SYAP1: variants seen among roughly 807,000 people sequenced by gnomAD.
SYAP1 encodes the protein synapse-associated protein 1.
A neutral mutation model predicts 29.6 loss-of-function variants in SYAP1; 3 were observed. The observed-to-expected ratio is 0.10, with a 90% CI of 0.05 to 0.26. SYAP1 has a LOEUF of 0.26. SYAP1 is among the 10% of genes least tolerant of loss of function. The probability of loss-of-function intolerance (pLI) is 1.00; values close to 1 mark genes in which losing one functional copy is unlikely to be tolerated. For missense variants in SYAP1, 217 were observed against 264.1 expected (o/e 0.82, Z 1.24); for synonymous variants, 102 against 102.7 (o/e 0.99, Z 0.04).
At chrX:16,736,256 T>A in intron 3 of SYAP1, 24 bp downstream of exon 3, 1 of 1,077,283 alleles carries the variant, frequency 9.3e-7, no homozygotes, top group Non-Finnish European at 1.3e-6. Flanking sequence ...TTGTCTTAAT[T>A]AACCTGCCAG....
At chrX:16,728,726 G>T (rs1926136259) in intron 1 of SYAP1, among the ~76,000 whole-genome samples, 1 of 109,548 alleles carries the variant, frequency 9.1e-6, no homozygotes, top group African/African-American at 3.3e-5. Context: ...ATGACAAAAG[G>T]TTTTCGGGTA....
chrX:16,752,033 G>T (rs1162490212), intron 5 of SYAP1, among the ~76,000 whole-genome samples: 2 of 95,957 alleles, frequency 2.1e-5, no homozygotes, highest in Non-Finnish European at 4.1e-5. Context: ...AGGCTGGAGT[G>T]CAGTGGTGCG....
At chrX:16,743,929 C>G in intron 5 of SYAP1, 89 bp downstream of exon 5, 1 of 1,037,098 alleles carries the variant, frequency 9.6e-7, no homozygotes, top group Non-Finnish European at 1.3e-6. Flanking sequence ...AAAAGGGTCT[C>G]TATCTGTTCA....
chrX:16,743,950 C>T, intron 5 of SYAP1, 110 bp downstream of exon 5: 1 of 898,636 alleles, frequency 1.1e-6, no homozygotes. Context: ...TAAAAGCAGG[C>T]CCCGCAGCCC....
chrX:16,742,804 G>C (rs2147427534), intron 4 of SYAP1, among the ~76,000 whole-genome samples: 1 of 108,685 alleles, frequency 9.2e-6, no homozygotes, highest in South Asian at 3.9e-4. Flanking sequence ...TTTTAGAGAT[G>C]GGTTCTCACT....
chrX:16,744,213 T>C (rs1926543324), intron 5 of SYAP1, among the ~76,000 whole-genome samples: 1 of 112,567 alleles, frequency 8.9e-6, no homozygotes, highest in Admixed American at 9.5e-5. Flanking sequence ...TCCTGCTCTC[T>C]TTGCTAAGGC....
At chrX:16,721,308 T>C (rs1255233314) in intron 1 of SYAP1, among the ~76,000 whole-genome samples, 2 of 109,900 alleles carry the variant, frequency 1.8e-5, no homozygotes, top group Non-Finnish European at 3.8e-5. Flanking sequence ...GTTGGCTCAC[T>C]GCAACCTCCA....
intron 8 of SYAP1, among the ~76,000 whole-genome samples, chrX:16,757,621 G>A (rs1926874551): frequency 9.0e-6 from 1 of 110,986 alleles, no homozygotes. Flanking sequence ...TATTCGGAAG[G>A]CTGAGGCAGG....
At chrX:16,755,203 CT>C (rs1466347747) in intron 6 of SYAP1, 110 bp downstream of exon 6, 3 of 793,227 alleles carry the variant, frequency 3.8e-6, no homozygotes, top group Non-Finnish European at 5.4e-6. Flanking sequence ...GGGAAAAATT[CT>C]TTTCTTCCCA....
chrX:16,757,908 A>AAATAATAATAATAAT lies in SYAP1; in HGVS notation c.931+608_931+622dup, dbSNP rs749499003. On this transcript the variant is annotated intron_variant, in intron 8 of 8. Coordinates refer to ENST00000380155, the MANE Select transcript of SYAP1 (RefSeq NM_032796.4). ...GGTGACAGAGCAAGACTTCATCTCA[A>AAATAATAATAATAAT]AATAATAATAATAATAATAATAAAT... Among the ~76,000 whole-genome samples, 743 of 108,411 alleles carry AAATAATAATAATAAT rather than the reference A, an allele frequency of 6.9e-3. 9 individuals are homozygous for AAATAATAATAATAAT. Among genetic ancestry groups the AAATAATAATAATAAT allele is most frequent in the African/African-American group, 0.024 (708 of 29,566 alleles). The allele number at this position is 108,411 out of a possible 115,157, so 94.1% of individuals were successfully genotyped here. A position where few individuals can be genotyped will look rare whatever the true frequency, so the allele number is the denominator to read the frequency against.
intron 8 of SYAP1, among the ~76,000 whole-genome samples, chrX:16,759,780 T>C (rs2147440052): frequency 8.9e-6 from 1 of 112,378 alleles, no homozygotes; most frequent in African/African-American, 3.2e-5. Context: ...ACCTTGTCCA[T>C]GGACTGTTCC....
intron 8 of SYAP1, 148 bp from the exon 9 acceptor site, chrX:16,760,084 T>A (rs1382853361): frequency 4.1e-5 from 19 of 460,580 alleles, no homozygotes; most frequent in Non-Finnish European, 6.5e-5. Flanking sequence ...ATTTACTGAG[T>A]TTTTCTGAGC....
intron 8 of SYAP1, among the ~76,000 whole-genome samples, chrX:16,757,566 A>G (rs1304291687): frequency 9.2e-6 from 1 of 109,171 alleles, no homozygotes; most frequent in Non-Finnish European, 1.9e-5. Context: ...TAAAAATACA[A>G]AAAAAAATTA....
chrX:16,739,312 G>A lies in SYAP1; in HGVS notation c.362-2404G>A, dbSNP rs138909313. On this transcript the variant is annotated intron_variant, in intron 3 of 8. Transcript: ENST00000380155. ...TCCCTGTGTCCATCCACACATGCAT[G>A]TAACTTTTCTCTCAGTGGGCTCGTG... 1.7e-3 allele frequency among the ~76,000 whole-genome samples: 191 copies of A among 110,498 alleles called. 1 individual carries two copies. The highest frequency in any genetic ancestry group is 6.0e-3 in the African/African-American group (182 of 30,406).
intron 1 of SYAP1, among the ~76,000 whole-genome samples, chrX:16,728,750 A>G (rs1272957409): frequency 2.7e-5 from 3 of 110,447 alleles, no homozygotes; most frequent in African/African-American, 9.9e-5. Context: ...ATAAAGACAC[A>G]GTTGAGGCTG....
chrX:16,721,105 G>A (rs930882100), intron 1 of SYAP1, among the ~76,000 whole-genome samples: 2 of 97,401 alleles, frequency 2.1e-5, no homozygotes, highest in Non-Finnish European at 4.1e-5. Context: ...TGCAACAAAG[G>A]TAGATACTAA....
chrX:16,724,774 G>A (rs1926049041), intron 1 of SYAP1, among the ~76,000 whole-genome samples: 1 of 111,983 alleles, frequency 8.9e-6, no homozygotes, highest in Non-Finnish European at 1.9e-5. Flanking sequence ...TCTGGATGCC[G>A]ACTTGCAGGT....
intron 3 of SYAP1, among the ~76,000 whole-genome samples, chrX:16,737,244 G>A (rs758386876): frequency 9.0e-6 from 1 of 111,634 alleles, no homozygotes; most frequent in South Asian, 3.7e-4. Context: ...AGCCAGATGG[G>A]TGTGGTGGTG....
chrX:16,721,552 T>G (rs1292718582), intron 1 of SYAP1, among the ~76,000 whole-genome samples: 1 of 94,315 alleles, frequency 1.1e-5, no homozygotes, highest in Non-Finnish European at 2.1e-5. Flanking sequence ...CCAGATAGAA[T>G]AGTCTTGCTC....
Sources: allele counts gnomAD v4.1 joint callset (sites outside exome capture counted in the v4.1 genomes callset), GRCh38; gene constraint gnomAD v4.1.1; transcripts MANE v1.5; gene names NCBI Gene and HGNC (gene_info 2026-07-23, HGNC 2026-07-21).